The following CENPE variants were observed in gnomAD, a reference collection of about 807,000 sequenced individuals.
CENPE encodes the protein centromere protein E.
In CENPE, 145 loss-of-function variants were observed where a neutral mutation model predicts 336.1. The ratio of observed to expected loss-of-function variants is 0.43; its 90% CI spans 0.38 to 0.50. CENPE has a LOEUF of 0.50. Ranked by LOEUF, CENPE falls within the 20% of genes least tolerant of loss-of-function variation. The pLI is 0.00. For missense variants in CENPE, 2,719 were observed against 3,023.3 expected (o/e 0.90, Z 2.36); for synonymous variants, 1,013 against 984.8 (o/e 1.03, Z -0.54).
At chr4:103,183,017 G>A in intron 10 of CENPE, 126 bp from the exon 11 acceptor site, 3 of 1,034,074 alleles carry the variant, frequency 2.9e-6, no homozygotes, top group Admixed American at 2.9e-5. Context: ...GTTATATGAG[G>A]CAGATTAAAA....
chr4:103,111,444 T>A (rs1477885811), intron 46 of CENPE, among the ~76,000 whole-genome samples: 1 of 152,182 alleles, frequency 6.6e-6, no homozygotes, highest in Admixed American at 6.5e-5. Context: ...ATTCAATACA[T>A]ATTATTAACT....
At position 103,160,734 on chromosome 4, in the gene CENPE, T is replaced by C. The variant is rs779933538; in HGVS notation, c.2177A>G (p.Gln726Arg). ...LELEGKITDL[Q>R]KELNKEVEEN... The stretch of plus-strand genomic sequence containing the variant: ...TTCAACTTCTTTATTTAGTTCTTTC[T>C]GAAGATCAGTAATCTTTCCTTCCAA... Residue 726 changes from glutamine (Q) to arginine (R), a missense_variant, in exon 21 of 49, where the codon CAG becomes CGG. Transcript: ENST00000265148. 1.9e-6 allele frequency: 3 copies of C among 1,608,822 alleles called. No individual in the cohort carries two copies. Among genetic ancestry groups the C allele is most frequent in the African/African-American group, 2.7e-5 (2 of 74,610 alleles).
intron 29 of CENPE, 148 bp from the exon 30 acceptor site, chr4:103,146,255 T>A (rs976939231): frequency 1.2e-5 from 9 of 731,788 alleles, no homozygotes; most frequent in African/African-American, 1.8e-5. Flanking sequence ...TCTTCCATTA[T>A]TCAGGCATTT....
intron 13 of CENPE, among the ~76,000 whole-genome samples, chr4:103,178,977 A>G (rs1756110518): frequency 1.3e-5 from 2 of 152,146 alleles, no homozygotes; most frequent in Non-Finnish European, 2.9e-5. Flanking sequence ...ACACATTTGC[A>G]TTTTCAACAG....
In CENPE at chr4:103,188,917, G is replaced by A. The variant is rs548384050; in HGVS notation, c.694-3056C>T. Among the ~76,000 whole-genome samples the A allele has an allele frequency of 2.8e-4, 42 of 152,238 alleles. 1 individual carries two copies. Among genetic ancestry groups the A allele is most frequent in the South Asian group, 8.3e-4 (4 of 4,824 alleles). ...CTAGCAAGACTAATAAAGAAGAAAA[G>A]AGAGAAGAATCAAATAGACCCAATA... On this transcript the variant is annotated intron_variant, in intron 8 of 48. Coordinates refer to ENST00000265148, the MANE Select transcript of CENPE (RefSeq NM_001813.3).
Position 103,106,171 on chromosome 4 carries a change from T to C in CENPE, c.*51A>G, listed in dbSNP as rs772570716. 7 of 1,277,836 alleles carry C rather than the reference T, an allele frequency of 5.5e-6. No homozygotes were observed. The highest frequency in any genetic ancestry group is 4.5e-5 in the African/African-American group (3 of 67,384). The allele number at this position is 1,277,836 out of a possible 1,614,324, so 79.2% of individuals were successfully genotyped here. ...ACCAGGGATAGACACATAAACAAAG[T>C]CATTTCCAAATAAGGAATGCTGGAT... On this transcript the variant is annotated 3_prime_UTR_variant, in exon 49 of 49. Coordinates refer to ENST00000265148, the MANE Select transcript of CENPE (RefSeq NM_001813.3).
intron 21 of CENPE, among the ~76,000 whole-genome samples, chr4:103,160,071 C>T (rs1159799131): frequency 1.3e-5 from 2 of 151,662 alleles, no homozygotes; most frequent in Non-Finnish European, 3.0e-5. Flanking sequence ...GTTTATAAGA[C>T]GAGTAAATGA....
intron 37 of CENPE, 22 bp downstream of exon 37, chr4:103,140,234 A>C: frequency 6.4e-7 from 1 of 1,571,906 alleles, no homozygotes; most frequent in Non-Finnish European, 8.6e-7. Context: ...TACTTCCAAA[A>C]GAAGAACAAA....
Position 103,114,449 on chromosome 4 carries a change from A to G in CENPE, c.7540+6T>C, listed in dbSNP as rs1749897335. ...TCATCTGAAAATATCTGCATTTTCT[A>G]CTTACCTGAGGTATCTTGGGCCTGT... On this transcript the variant is annotated splice_donor_region_variant and intron_variant, in intron 46 of 48. Coordinates refer to ENST00000265148, the MANE Select transcript of CENPE (RefSeq NM_001813.3). The G allele has an allele frequency of 6.5e-7, 1 of 1,543,922 alleles. No individual in the cohort carries two copies. Among genetic ancestry groups the G allele is most frequent in the Non-Finnish European group, 8.9e-7 (1 of 1,117,544 alleles).
At chr4:103,154,226 T>C (rs1658047275) in intron 24 of CENPE, among the ~76,000 whole-genome samples, 1 of 151,794 alleles carries the variant, frequency 6.6e-6, no homozygotes, top group South Asian at 2.1e-4. Context: ...TGTCACCAAC[T>C]TCACACAACA....
At chr4:103,134,778 A>C (rs1751925553) in intron 40 of CENPE, among the ~76,000 whole-genome samples, 1 of 152,212 alleles carries the variant, frequency 6.6e-6, no homozygotes, top group South Asian at 2.1e-4. Context: ...TTGTGGAAGA[A>C]TTACCAGGGC....
At chr4:103,120,485 T>G in intron 43 of CENPE, 152 bp from the exon 44 acceptor site, 1 of 619,922 alleles carries the variant, frequency 1.6e-6, no homozygotes. Flanking sequence ...TCATTCAATC[T>G]ACAGACATGT....
chr4:103,129,955 T>C (rs927558115), intron 42 of CENPE, among the ~76,000 whole-genome samples: 8 of 152,022 alleles, frequency 5.3e-5, no homozygotes, highest in Non-Finnish European at 7.4e-5. Flanking sequence ...CAGAAAAAAT[T>C]TGTCAAAATC....
chr4:103,128,496 G>T (rs556057475), intron 42 of CENPE, among the ~76,000 whole-genome samples: 3 of 152,216 alleles, frequency 2.0e-5, no homozygotes, highest in Admixed American at 2.0e-4. Flanking sequence ...TTGAATATTT[G>T]TGAAGACAGA....
rs772886241 is a variant in CENPE at position 103,146,099 on chromosome 4, C to T, written c.4143G>A (p.Glu1381=). Residue 1381 remains glutamate (E), a synonymous_variant, in exon 30 of 49, where the codon GAG becomes GAA. Coordinates refer to ENST00000265148, the MANE Select transcript of CENPE (RefSeq NM_001813.3). The stretch of plus-strand genomic sequence containing the variant: ...AGGACTGTTCTTGTTTGCTTTGAGA[C>T]TCCTGGATCTTAAGAGAATCATAAA... The part of the protein sequence containing the change: ...HIRETLAKIQ[E]SQSKQEQSLN... The T allele has an allele frequency of 1.2e-6, 2 of 1,612,226 alleles. No individual in the cohort carries two copies. The highest frequency in any genetic ancestry group is 1.7e-6 in the Non-Finnish European group (2 of 1,179,444).
intron 34 of CENPE, 76 bp downstream of exon 34, chr4:103,143,171 TA>T: frequency 1.0e-6 from 1 of 996,104 alleles, no homozygotes; most frequent in Non-Finnish European, 1.5e-6. Flanking sequence ...AATTTTAGGG[TA>T]ATTCATATCT....
intron 34 of CENPE, 145 bp from the exon 35 acceptor site, chr4:103,142,053 C>T: frequency 1.7e-6 from 1 of 576,022 alleles, no homozygotes; most frequent in Non-Finnish European, 2.9e-6. Context: ...CTTTCTCTTC[C>T]CTGTCCTCCT....
chr4:103,133,210 T>A (rs927561947), intron 41 of CENPE, among the ~76,000 whole-genome samples: 5 of 152,022 alleles, frequency 3.3e-5, no homozygotes, highest in African/African-American at 1.2e-4. Context: ...ATACCTGAAG[T>A]GCATCTTAAT....
At position 103,144,426 on chromosome 4, in the gene CENPE, C is replaced by G. The variant is rs200820864; in HGVS notation, c.5050G>C (p.Val1684Leu). Reference sequence around the variant, plus strand: ...CTAAGGTCATCTCTTTCTTTTGTTACAGATCTCATTTCTTCAAGGTTTTCA... The same window carrying G: ...CTAAGGTCATCTCTTTCTTTTGTTAGAGATCTCATTTCTTCAAGGTTTTCA... The part of the protein sequence containing the change: ...LHENLEEMRS[V>L]TKERDDLRSV... The change falls in exon 33 of 49, where the codon GTA (valine) becomes CTA (leucine). Residue 1684 changes from valine to leucine, a missense_variant. Physicochemically the swap from Val to Leu is conservative, Grantham distance 32. This residue lies in a region of CENPE where 2,437 missense variants were observed against 2,513.3 expected (regional missense o/e 0.97). Coordinates refer to ENST00000265148, the MANE Select transcript of CENPE (RefSeq NM_001813.3). The G allele has an allele frequency of 1.2e-6, 2 of 1,613,912 alleles. No homozygotes were observed. The highest frequency in any genetic ancestry group is 1.7e-6 in the Non-Finnish European group (2 of 1,179,848).
Sources: allele counts gnomAD v4.1 joint callset (sites outside exome capture counted in the v4.1 genomes callset), GRCh38; gene constraint gnomAD v4.1.1; regional missense constraint gnomAD v4.1.1; transcripts MANE v1.5; gene names NCBI Gene and HGNC (gene_info 2026-07-23, HGNC 2026-07-21).